ATXN1: variants seen among roughly 807,000 people sequenced by gnomAD.
The protein encoded by ATXN1 is ataxin 1, also known as ataxin-1.
A neutral mutation model predicts 56.4 loss-of-function variants in ATXN1; 8 were observed. The ratio of observed to expected loss-of-function variants is 0.14; its 90% CI spans 0.08 to 0.26. ATXN1 has a LOEUF of 0.26. Among genes scored for constraint, ATXN1 ranks in the 10% least tolerant of loss-of-function variants. The pLI, the probability that ATXN1 is intolerant of heterozygous loss-of-function variation, is 1.00. For missense variants in ATXN1, 987 were observed against 1,106.5 expected (o/e 0.89, Z 1.53); for synonymous variants, 514 against 494.6 (o/e 1.04, Z -0.52).
intron 3 of ATXN1, among the ~76,000 whole-genome samples, chr6:16,632,815 C>T (rs950159296): frequency 2.0e-5 from 3 of 151,890 alleles, no homozygotes; most frequent in African/African-American, 7.3e-5. Context: ...GTCTGGAGTT[C>T]GAGACCTCGT....
chr6:16,523,621 T>A (rs1194604734), intron 4 of ATXN1, among the ~76,000 whole-genome samples: 1 of 152,194 alleles, frequency 6.6e-6, no homozygotes, highest in Non-Finnish European at 1.5e-5. Context: ...CTTTGCTCTT[T>A]CCCAAAATGG....
intron 6 of ATXN1, among the ~76,000 whole-genome samples, chr6:16,400,775 G>C (rs552454798): frequency 6.6e-6 from 1 of 152,176 alleles, no homozygotes; most frequent in Non-Finnish European, 1.5e-5. Flanking sequence ...GAAGTATTTT[G>C]GCACTAGAAG....
chr6:16,519,238 A>T (rs1348012609), intron 5 of ATXN1, among the ~76,000 whole-genome samples: 1 of 152,224 alleles, frequency 6.6e-6, no homozygotes, highest in Non-Finnish European at 1.5e-5. Flanking sequence ...AAAGCAATAT[A>T]TATGAAAAAA....
chr6:16,415,686 C>A (rs1294190776), intron 6 of ATXN1, among the ~76,000 whole-genome samples: 2 of 152,230 alleles, frequency 1.3e-5, no homozygotes, highest in African/African-American at 4.8e-5. Context: ...TGGGAAAGAG[C>A]TGGGACACCA....
At chr6:16,515,564 T>TG (rs1761166111) in intron 5 of ATXN1, among the ~76,000 whole-genome samples, 1 of 152,212 alleles carries the variant, frequency 6.6e-6, no homozygotes, top group South Asian at 2.1e-4. Flanking sequence ...CCCCATTCTT[T>TG]GGTCTGACAC....
At chr6:16,536,912 G>A (rs948130633) in intron 4 of ATXN1, among the ~76,000 whole-genome samples, 2 of 152,020 alleles carry the variant, frequency 1.3e-5, no homozygotes, top group African/African-American at 4.8e-5. Flanking sequence ...CATCATTATT[G>A]CTCTAGTCAA....
At chr6:16,578,131 T>C (rs953211117) in intron 4 of ATXN1, among the ~76,000 whole-genome samples, 2 of 152,256 alleles carry the variant, frequency 1.3e-5, no homozygotes, top group Admixed American at 6.5e-5. Context: ...AAACATTTTA[T>C]GTGCTTCTAA....
intron 6 of ATXN1, among the ~76,000 whole-genome samples, chr6:16,398,304 C>G (rs188587029): frequency 6.6e-6 from 1 of 152,212 alleles, no homozygotes; most frequent in African/African-American, 2.4e-5. Flanking sequence ...TAAAGATGTC[C>G]TAGGCAGGTG....
chr6:16,612,696 T>A (rs1387394570), intron 3 of ATXN1, among the ~76,000 whole-genome samples: 3 of 151,678 alleles, frequency 2.0e-5, no homozygotes, highest in African/African-American at 7.3e-5. Flanking sequence ...ATTGAGACCA[T>A]CCTGGCCAAC....
intron 6 of ATXN1, among the ~76,000 whole-genome samples, chr6:16,384,815 T>A (rs1317020471): frequency 6.6e-6 from 1 of 152,222 alleles, no homozygotes; most frequent in East Asian, 1.9e-4. Flanking sequence ...ATGTTTCCTG[T>A]ACAGCCTGTG....
At chr6:16,395,814 G>A (rs1398650076) in intron 6 of ATXN1, among the ~76,000 whole-genome samples, 4 of 151,904 alleles carry the variant, frequency 2.6e-5, no homozygotes, top group Non-Finnish European at 4.4e-5. Context: ...TCAGGAGATC[G>A]AGACCATCCT....
chr6:16,310,068 A>AT (rs1760355155), intron 7 of ATXN1, among the ~76,000 whole-genome samples: 4 of 134,688 alleles, frequency 3.0e-5, no homozygotes, highest in South Asian at 4.7e-4. Flanking sequence ...GAGAAACTCC[A>AT]TTAAAAAAAA....
At chr6:16,318,725 A>G (rs1760572427) in intron 7 of ATXN1, among the ~76,000 whole-genome samples, 1 of 152,172 alleles carries the variant, frequency 6.6e-6, no homozygotes. Context: ...CTCCTAACAC[A>G]AATCCCACAT....
chr6:16,556,738 T>C (rs376739791), intron 4 of ATXN1, among the ~76,000 whole-genome samples: 14 of 152,216 alleles, frequency 9.2e-5, no homozygotes, highest in African/African-American at 2.9e-4. Context: ...ATCATCTCTG[T>C]TATTTAACAC....
chr6:16,650,749 G>A lies in ATXN1; in HGVS notation c.-489+7027C>T, dbSNP rs572945046. 3.9e-5 allele frequency among the ~76,000 whole-genome samples: 6 copies of A among 152,262 alleles called. No individual in the cohort carries two copies. The East Asian group carries it at 1.2e-3, about 29-fold the overall frequency. The stretch of plus-strand genomic sequence containing the variant: ...ACAGGCAGCCTATCGTTCAAACCCT[G>A]TTCAAATAAGGCGAACGCTGAGCTG... On this transcript the variant is annotated intron_variant, in intron 3 of 7. Transcript: ENST00000436367.
At chr6:16,637,144 C>T (rs573327165) in intron 3 of ATXN1, among the ~76,000 whole-genome samples, 7 of 152,236 alleles carry the variant, frequency 4.6e-5, no homozygotes, top group Admixed American at 4.6e-4. Flanking sequence ...GGCACATATA[C>T]ACCATGGAAT....
chr6:16,316,646 C>G (rs2113390047), intron 7 of ATXN1, among the ~76,000 whole-genome samples: 1 of 152,080 alleles, frequency 6.6e-6, no homozygotes, highest in East Asian at 1.9e-4. Flanking sequence ...ACTCTGAAGG[C>G]TGAAGCAGGA....
intron 2 of ATXN1, among the ~76,000 whole-genome samples, chr6:16,694,251 T>A (rs1013014371): frequency 7.8e-5 from 11 of 141,898 alleles, no homozygotes; most frequent in African/African-American, 2.7e-4. Flanking sequence ...TTTTTTTTTT[T>A]CTTTTTTTTT....
At chr6:16,322,851 T>A (rs1364124063) in intron 7 of ATXN1, among the ~76,000 whole-genome samples, 1 of 152,238 alleles carries the variant, frequency 6.6e-6, no homozygotes, top group Non-Finnish European at 1.5e-5. Context: ...CGATTTCTGA[T>A]AGGCTCCTCG....
Sources: allele counts gnomAD v4.1 joint callset (sites outside exome capture counted in the v4.1 genomes callset), GRCh38; gene constraint gnomAD v4.1.1; transcripts MANE v1.5; gene names NCBI Gene and HGNC (gene_info 2026-07-23, HGNC 2026-07-21).